The following KDM4C variants were observed in gnomAD, a reference collection of about 807,000 sequenced individuals.
KDM4C encodes the protein lysine-specific demethylase 4C.
KDM4C carries 81 observed loss-of-function variants against 129.3 expected under a neutral mutation model. The observed-to-expected ratio is 0.63, with a 90% confidence interval of 0.52 to 0.75. The LOEUF (loss-of-function observed/expected upper bound fraction) is 0.75. Ranked by LOEUF, KDM4C falls within the 30% of genes least tolerant of loss-of-function variation. KDM4C has a pLI of 0.00. For missense variants in KDM4C, 1,457 were observed against 1,304.0 expected (o/e 1.12, Z -1.81); for synonymous variants, 573 against 456.1 (o/e 1.26, Z -3.26).
At chr9:6,774,033 G>A (rs1269727158) in intron 1 of KDM4C, among the ~76,000 whole-genome samples, 2 of 151,828 alleles carry the variant, frequency 1.3e-5, no homozygotes, top group African/African-American at 2.4e-5. Flanking sequence ...GACTACAGGC[G>A]CATGCCACTA....
intron 2 of KDM4C, among the ~76,000 whole-genome samples, chr9:6,795,947 T>C (rs1466762175): frequency 6.6e-6 from 1 of 152,120 alleles, no homozygotes; most frequent in African/African-American, 2.4e-5. Context: ...GCTGGAATTA[T>C]AAGCATCAGC....
At position 7,020,483 on chromosome 9, in the gene KDM4C, G is replaced by C. The variant is rs144530711; in HGVS notation, c.2259+4554G>C. ...GCTCTGTTTGATTGAAACCCTTTTTGGTCAATTTATATAATTCTTTTTGGA... is the reference window on the plus strand; with the variant it reads ...GCTCTGTTTGATTGAAACCCTTTTTCGTCAATTTATATAATTCTTTTTGGA... On this transcript the variant is annotated intron_variant, in intron 15 of 21. Coordinates refer to ENST00000381309, the MANE Select transcript of KDM4C (RefSeq NM_015061.6). Among the ~76,000 whole-genome samples, 129 of 151,900 alleles carry C rather than the reference G, an allele frequency of 8.5e-4. 1 individual carries two copies. The highest frequency in any genetic ancestry group is 2.9e-3 in the African/African-American group (121 of 41,414).
At chr9:6,816,826 C>CT (rs1422764572) in intron 4 of KDM4C, among the ~76,000 whole-genome samples, 1 of 148,802 alleles carries the variant, frequency 6.7e-6, no homozygotes, top group Non-Finnish European at 1.5e-5. Flanking sequence ...TTATACACTT[C>CT]TTTTTTGTCA....
chr9:7,044,134 G>A (rs929345224), intron 15 of KDM4C, among the ~76,000 whole-genome samples: 1 of 152,010 alleles, frequency 6.6e-6, no homozygotes, highest in African/African-American at 2.4e-5. Context: ...GAGTATCAGT[G>A]AAAGTGTCAG....
chr9:6,912,560 G>T (rs1414756730), intron 8 of KDM4C, among the ~76,000 whole-genome samples: 1 of 152,210 alleles, frequency 6.6e-6, no homozygotes, highest in East Asian at 1.9e-4. Context: ...GGAGTAGATT[G>T]AAAGTAAAGA....
At chr9:6,794,188 G>T (rs1564019885) in intron 2 of KDM4C, among the ~76,000 whole-genome samples, 1 of 152,372 alleles carries the variant, frequency 6.6e-6, no homozygotes, top group East Asian at 1.9e-4. Context: ...TAGAGGTAGG[G>T]ATATGGGGGA....
intron 15 of KDM4C, among the ~76,000 whole-genome samples, chr9:7,027,680 G>T (rs1343389507): frequency 6.6e-6 from 1 of 152,180 alleles, no homozygotes; most frequent in African/African-American, 2.4e-5. Context: ...CCTTCATGAT[G>T]GTGAGTTGTT....
rs748069360 is a variant in KDM4C at position 6,981,018 on chromosome 9, G to T, written c.1015G>T (p.Asp339Tyr). Residue 339 changes from aspartate (D) to tyrosine (Y), a missense_variant, in exon 9 of 22, where the codon GAT (aspartate) becomes TAT (tyrosine). Asp to Tyr is a radical substitution (Grantham distance 160). Transcript: ENST00000381309. Reference sequence around the variant, plus strand: ...ATATCAGCTTTGGAAACAAGGAAAGGATATATACACCATTGATCACACGAA... The same window carrying T: ...ATATCAGCTTTGGAAACAAGGAAAGTATATATACACCATTGATCACACGAA... ...DRYQLWKQGK[D>Y]IYTIDHTKPT... 5 of 1,613,870 alleles carry T rather than the reference G, an allele frequency of 3.1e-6. No homozygotes were observed. Among genetic ancestry groups the T allele is most frequent in the African/African-American group, 1.3e-5 (1 of 74,996 alleles).
intron 8 of KDM4C, among the ~76,000 whole-genome samples, chr9:6,898,654 A>G (rs1816852964): frequency 1.3e-5 from 2 of 152,302 alleles, no homozygotes; most frequent in South Asian, 4.1e-4. Flanking sequence ...GAATTTTAAA[A>G]CTGATTTCCC....
intron 3 of KDM4C, among the ~76,000 whole-genome samples, chr9:6,807,045 C>T (rs1278817062): frequency 2.6e-5 from 4 of 152,110 alleles, no homozygotes; most frequent in Non-Finnish European, 5.9e-5. Context: ...ATTGCAGGCA[C>T]GCGCCGCCAC....
intron 8 of KDM4C, among the ~76,000 whole-genome samples, chr9:6,953,360 C>T (rs1480702702): frequency 6.6e-6 from 1 of 152,140 alleles, no homozygotes; most frequent in Non-Finnish European, 1.5e-5. Context: ...GAGATTTAAA[C>T]ATAATTTATT....
intron 8 of KDM4C, among the ~76,000 whole-genome samples, chr9:6,967,846 C>T (rs7865491): frequency 0.3 from 45,857 of 152,002 alleles, 8,086 homozygotes; most frequent in East Asian, 0.72. Flanking sequence ...ATACTGATGC[C>T]AAAAAGATAT....
intron 8 of KDM4C, among the ~76,000 whole-genome samples, chr9:6,960,263 C>G (rs1829799530): frequency 6.7e-6 from 1 of 148,450 alleles, no homozygotes; most frequent in East Asian, 2.0e-4. Flanking sequence ...TAAATGGAAG[C>G]TCTTTTAAAA....
chr9:6,986,326 C>G lies in KDM4C; in HGVS notation c.1355-18C>G, dbSNP rs1267689253. 5.8e-6 allele frequency: 9 copies of G among 1,558,156 alleles called. No individual in the cohort carries two copies. The highest frequency in any genetic ancestry group is 7.9e-6 in the Non-Finnish European group (9 of 1,137,256). On this transcript the variant is annotated intron_variant, in intron 10 of 21. Transcript: ENST00000381309. ...ATACAGTGCATGATTTATTAACAGT[C>G]TTCTGTTTTATCCTCAGGAAACAGC...
chr9:7,050,084 G>A (rs1377373632), intron 17 of KDM4C, among the ~76,000 whole-genome samples: 1 of 151,990 alleles, frequency 6.6e-6, no homozygotes, highest in Non-Finnish European at 1.5e-5. Flanking sequence ...GGCGAGCTGG[G>A]TGTGCCGTCT....
chr9:6,978,874 C>T lies in KDM4C; in HGVS notation c.922-2051C>T, dbSNP rs79103046. On this transcript the variant is annotated intron_variant, in intron 8 of 21. Transcript: ENST00000381309. ...GGAGCACACTCCTCTTTGACCATGGCTTATCTGCTGTTTCTGTTTAGGCTT... is the reference window on the plus strand; with the variant it reads ...GGAGCACACTCCTCTTTGACCATGGTTTATCTGCTGTTTCTGTTTAGGCTT... 18 of 152,268 alleles carry T rather than the reference C, an allele frequency of 1.2e-4. 1 individual carries two copies. The East Asian group carries it at 3.5e-3, about 29-fold the overall frequency. 9.4% of individuals were successfully genotyped at this position (152,268 alleles called of 1,614,324 possible).
intron 21 of KDM4C, among the ~76,000 whole-genome samples, chr9:7,171,083 G>T (rs1438251312): frequency 6.6e-6 from 1 of 152,106 alleles, no homozygotes; most frequent in Non-Finnish European, 1.5e-5. Flanking sequence ...CTTTTTTCCA[G>T]TCAGATGGGA....
Position 6,990,483 on chromosome 9 carries a change from C to G in KDM4C, c.1745C>G (p.Ser582Cys). The G allele has an allele frequency of 1.2e-6, 2 of 1,612,820 alleles. No individual in the cohort carries two copies. Among genetic ancestry groups the G allele is most frequent in the Non-Finnish European group, 1.7e-6 (2 of 1,179,758 alleles). The part of the protein sequence containing the change: ...RHPLSRPPAR[S>C]PMTLVKQQAP... ...CCACTTAGCAGGCCTCCAGCAAGAT[C>G]TCCGATGACTCTTGTGAAGCAGCAG... The change falls in exon 12 of 22, where the codon TCT becomes TGT. Residue 582 changes from serine to cysteine, a missense_variant. Transcript: ENST00000381309.
At chr9:6,909,993 A>G (rs1430879495) in intron 8 of KDM4C, among the ~76,000 whole-genome samples, 2 of 152,206 alleles carry the variant, frequency 1.3e-5, no homozygotes, top group Non-Finnish European at 2.9e-5. Context: ...AATAAGGTGC[A>G]TGTCCAAGTA....
Sources: allele counts gnomAD v4.1 joint callset (sites outside exome capture counted in the v4.1 genomes callset), GRCh38; gene constraint gnomAD v4.1.1; transcripts MANE v1.5; gene names NCBI Gene and HGNC (gene_info 2026-07-23, HGNC 2026-07-21).